FSTL4: variants seen among roughly 807,000 people sequenced by gnomAD.
FSTL4 encodes the protein follistatin like 4, also known as follistatin-related protein 4.
FSTL4 carries 28 observed loss-of-function variants against 78.2 expected under a neutral mutation model. That is an observed-to-expected ratio of 0.36 (90% confidence interval 0.27 to 0.49). The LOEUF (loss-of-function observed/expected upper bound fraction) is 0.49, where lower values mean the gene tolerates loss of function less well. Among genes scored for constraint, FSTL4 ranks in the 20% least tolerant of loss-of-function variants. FSTL4 has a pLI of 0.98. For missense variants in FSTL4, 922 were observed against 1,084.9 expected, an observed-to-expected ratio of 0.85 and a Z score of 2.11; for synonymous variants, 422 against 440.5, an observed-to-expected ratio of 0.96 and a Z score of 0.53.
the FSTL4 span, among the ~76,000 whole-genome samples, chr5:133,712,748 G>A: frequency 6.6e-6 from 1 of 152,220 alleles, no homozygotes; most frequent in Admixed American, 6.5e-5. Flanking sequence ...TGTCAGCACT[G>A]AAGTCCAGTT....
intron 4 of FSTL4, among the ~76,000 whole-genome samples, chr5:133,397,522 A>G (rs541565221): frequency 6.6e-6 from 1 of 152,366 alleles, no homozygotes; most frequent in Non-Finnish European, 1.5e-5. Context: ...TCCCATTGCC[A>G]TAGCAACTGG....
chr5:133,672,940 A>T, the FSTL4 span, among the ~76,000 whole-genome samples: 1 of 152,232 alleles, frequency 6.6e-6, no homozygotes, highest in Non-Finnish European at 1.5e-5. Flanking sequence ...TTATACATTT[A>T]GGGAGACATG....
At chr5:133,621,615 C>G in the FSTL4 span, among the ~76,000 whole-genome samples, 107,689 of 151,802 alleles carry the variant, frequency 0.71, 38,749 homozygotes, top group African/African-American at 0.83. Flanking sequence ...GAGTTGGGAG[C>G]GGGTGAGGGA....
chr5:133,278,663 A>C lies in FSTL4; in HGVS notation c.728-29087T>G, dbSNP rs974757397. 3.9e-5 allele frequency among the ~76,000 whole-genome samples: 6 copies of C among 152,244 alleles called. 1 individual carries two copies. Among genetic ancestry groups the C allele is most frequent in the African/African-American group, 1.4e-4 (6 of 41,536 alleles). On this transcript the variant is annotated intron_variant, in intron 6 of 15. Coordinates refer to ENST00000265342, the MANE Select transcript of FSTL4 (RefSeq NM_015082.2). The stretch of plus-strand genomic sequence containing the variant: ...GGCGGACATGAGAGGTGCAAGGAAG[A>C]CCTCAGTGGAGCACTGGACCCTAGG...
the FSTL4 span, among the ~76,000 whole-genome samples, chr5:133,641,948 T>A: frequency 6.6e-6 from 1 of 152,012 alleles, no homozygotes; most frequent in Non-Finnish European, 1.5e-5. Flanking sequence ...TTCCTCTTTC[T>A]TCTTTCTTCT....
chr5:133,438,916 G>A (rs1185580391), intron 3 of FSTL4, among the ~76,000 whole-genome samples: 4 of 152,240 alleles, frequency 2.6e-5, no homozygotes, highest in Admixed American at 6.5e-5. Flanking sequence ...TGGGATGAGC[G>A]CGGATGCTCA....
chr5:133,252,373 C>G (rs1445730770), intron 6 of FSTL4: 1 of 152,118 alleles, frequency 6.6e-6, no homozygotes, highest in Non-Finnish European at 1.5e-5. Flanking sequence ...AGGTGCGGCT[C>G]CCCAGCCACC....
the FSTL4 span, among the ~76,000 whole-genome samples, chr5:133,700,265 C>A: frequency 6.6e-6 from 1 of 151,556 alleles, no homozygotes; most frequent in African/African-American, 2.4e-5. Flanking sequence ...AGCCACCACA[C>A]CAAACCATCA....
intron 7 of FSTL4, chr5:133,247,239 A>C (rs1261152639): frequency 6.6e-6 from 1 of 152,204 alleles, no homozygotes; most frequent in Non-Finnish European, 1.5e-5. Flanking sequence ...GGAGATAATG[A>C]GGGGCCATTC....
At chr5:133,316,364 T>C in intron 5 of FSTL4, 95 bp downstream of exon 5, 1 of 887,122 alleles carries the variant, frequency 1.1e-6, no homozygotes, top group South Asian at 1.5e-5. Context: ...TTCTCAGAGG[T>C]ATTGAACACA....
the FSTL4 span, among the ~76,000 whole-genome samples, chr5:133,837,267 T>C: frequency 6.6e-6 from 1 of 152,092 alleles, no homozygotes; most frequent in Admixed American, 6.6e-5. Flanking sequence ...CAAATTTCTA[T>C]TTGATTATAT....
chr5:133,370,010 C>T (rs1375356747), intron 4 of FSTL4, among the ~76,000 whole-genome samples: 1 of 152,092 alleles, frequency 6.6e-6, no homozygotes, highest in African/African-American at 2.4e-5. Context: ...CTGCCCTCCA[C>T]CCACCCAAGC....
rs181981292 is a variant in FSTL4, at chr5:133,207,005, T to C, written c.1716+3186A>G. On this transcript the variant is annotated intron_variant, in intron 14 of 15. Coordinates refer to ENST00000265342, the MANE Select transcript of FSTL4 (RefSeq NM_015082.2). ...AATTTCCTCTTTGATCCAATAGATATATCCAGGAATGTTTTCTTAATTATC... is the reference window on the plus strand; with the variant it reads ...AATTTCCTCTTTGATCCAATAGATACATCCAGGAATGTTTTCTTAATTATC... 2.6e-4 allele frequency among the ~76,000 whole-genome samples: 40 copies of C among 152,276 alleles called. No homozygotes were observed. In the East Asian group the frequency reaches 6.6e-3, roughly 25 times the overall value.
chr5:133,542,553 C>T (rs1353773569), intron 3 of FSTL4, among the ~76,000 whole-genome samples: 1 of 152,114 alleles, frequency 6.6e-6, no homozygotes, highest in Non-Finnish European at 1.5e-5. Context: ...TTTGTTAGTA[C>T]CCACTGGTAA....
chr5:133,355,272 T>C (rs1335722668), intron 4 of FSTL4, among the ~76,000 whole-genome samples: 1 of 152,188 alleles, frequency 6.6e-6, no homozygotes, highest in East Asian at 1.9e-4. Flanking sequence ...AAATAACACT[T>C]AGCATGAAGC....
At chr5:133,832,654 A>C in the FSTL4 span, among the ~76,000 whole-genome samples, 2 of 152,196 alleles carry the variant, frequency 1.3e-5, no homozygotes, top group Non-Finnish European at 2.9e-5. Context: ...ACATTTCTCC[A>C]TCTCTTTTGC....
chr5:133,238,942 G>A (rs926990760), intron 7 of FSTL4, among the ~76,000 whole-genome samples: 1 of 152,244 alleles, frequency 6.6e-6, no homozygotes, highest in Non-Finnish European at 1.5e-5. Context: ...CCCCTTTCTG[G>A]GCTGGCCAAG....
chr5:133,613,945 C>T (rs543711381), upstream of FSTL4, among the ~76,000 whole-genome samples: 176 of 152,188 alleles, frequency 1.2e-3, no homozygotes, highest in Non-Finnish European at 2.0e-3. Context: ...ACTTCTGGGG[C>T]TGGCTAGGGG....
At chr5:133,653,966 C>T in the FSTL4 span, among the ~76,000 whole-genome samples, 1 of 152,214 alleles carries the variant, frequency 6.6e-6, no homozygotes, top group Non-Finnish European at 1.5e-5. Flanking sequence ...CGTTCATTTG[C>T]TCATGCAAGC....
Sources: gnomAD v4.1 joint callset for allele counts (sites outside exome capture counted in the v4.1 genomes callset) on GRCh38, gnomAD v4.1.1 for gene constraint, MANE v1.5 for transcripts, NCBI Gene and HGNC (gene_info 2026-07-23, HGNC 2026-07-21) for gene names.